MSRB3: variants seen among roughly 807,000 people sequenced by gnomAD.
MSRB3 encodes methionine sulfoxide reductase B3, also known as methionine-R-sulfoxide reductase B3.
A neutral mutation model predicts 21.0 loss-of-function variants in MSRB3; 13 were observed. The observed-to-expected ratio is 0.62, with a 90% confidence interval of 0.40 to 0.98. The LOEUF (loss-of-function observed/expected upper bound fraction) is 0.98, where lower values mean the gene tolerates loss of function less well. Among genes scored for constraint, MSRB3 ranks in the 50% least tolerant of loss-of-function variants. The pLI is 0.00. For synonymous variants in MSRB3, 87 were observed against 88.6 expected (o/e 0.98, Z 0.10); for missense variants, 199 against 230.3 (o/e 0.86, Z 0.88).
chr12:65,426,073 G>A (rs1177282174), intron 5 of MSRB3, among the ~76,000 whole-genome samples: 1 of 152,086 alleles, frequency 6.6e-6, no homozygotes, highest in Non-Finnish European at 1.5e-5. Flanking sequence ...GGCCAAGCTG[G>A]TCTTGAACTC....
chr12:65,428,815 C>A (rs1268871810), intron 5 of MSRB3, among the ~76,000 whole-genome samples: 1 of 152,128 alleles, frequency 6.6e-6, no homozygotes, highest in African/African-American at 2.4e-5. Context: ...TAAACTAATT[C>A]CCCAGAATGC....
intron 4 of MSRB3, among the ~76,000 whole-genome samples, chr12:65,353,324 G>A (rs143139325): frequency 0.042 from 6,365 of 152,092 alleles, 422 homozygotes; most frequent in African/African-American, 0.15. Context: ...TGACAGTGGG[G>A]TGTTAAAGTC....
intron 1 of MSRB3, among the ~76,000 whole-genome samples, chr12:65,281,278 T>C (rs1205626348): frequency 6.6e-6 from 1 of 152,200 alleles, no homozygotes; most frequent in Non-Finnish European, 1.5e-5. Flanking sequence ...ATGGATTTGG[T>C]TGATGAATTT....
At chr12:65,302,478 A>C (rs576911287) in intron 1 of MSRB3, among the ~76,000 whole-genome samples, 178 of 152,246 alleles carry the variant, frequency 1.2e-3, no homozygotes, top group African/African-American at 4.2e-3. Flanking sequence ...AGCACAGACT[A>C]TGTCTTACAT....
At chr12:65,328,403 T>G (rs2136453441) in intron 3 of MSRB3, 123 bp from the exon 4 acceptor site, 1 of 700,310 alleles carries the variant, frequency 1.4e-6, no homozygotes, top group South Asian at 1.7e-5. Context: ...ATATGTTTGG[T>G]TTGTTTTCAT....
chr12:65,306,917 C>T (rs1287069565), intron 1 of MSRB3: 11 of 985,728 alleles, frequency 1.1e-5, no homozygotes, highest in African/African-American at 1.7e-5. Flanking sequence ...GCCAGATGGC[C>T]ACCGTGGTTG....
chr12:65,278,843 G>C lies in MSRB3; in HGVS notation c.-74G>C, dbSNP rs1186522682. The C allele has an allele frequency of 1.9e-6, 3 of 1,564,152 alleles. No homozygotes were observed. The highest frequency in any genetic ancestry group is 3.8e-5 in the Admixed American group (2 of 52,312). The stretch of plus-strand genomic sequence containing the variant: ...TCTGCCTCTGCCTCTGCCTGGCCGC[G>C]GCTCTGGGAAGTGCGCAGTCCGGTA... On this transcript the variant is annotated 5_prime_UTR_variant, in exon 1 of 7. Transcript: ENST00000308259.
intron 4 of MSRB3, among the ~76,000 whole-genome samples, chr12:65,345,618 G>A (rs1191387986): frequency 2.6e-5 from 4 of 151,974 alleles, no homozygotes; most frequent in Non-Finnish European, 4.4e-5. Context: ...TTTAGGGTAC[G>A]TATGCACAAC....
chr12:65,364,418 G>A (rs1000821323), intron 4 of MSRB3, among the ~76,000 whole-genome samples: 2 of 152,150 alleles, frequency 1.3e-5, no homozygotes, highest in Admixed American at 6.5e-5. Context: ...CAAAAGAAAC[G>A]GTTGAATAGT....
intron 4 of MSRB3, among the ~76,000 whole-genome samples, chr12:65,346,298 C>T (rs1876500372): frequency 6.6e-6 from 1 of 152,188 alleles, no homozygotes; most frequent in Non-Finnish European, 1.5e-5. Context: ...GAGATGGTAT[C>T]TCACTGTGGT....
chr12:65,417,600 C>T (rs1485847652), intron 5 of MSRB3, among the ~76,000 whole-genome samples: 1 of 152,156 alleles, frequency 6.6e-6, no homozygotes, highest in East Asian at 1.9e-4. Context: ...GAACTTATTT[C>T]TCCTAACTGA....
intron 6 of MSRB3, among the ~76,000 whole-genome samples, chr12:65,457,724 T>A (rs1883153392): frequency 6.7e-6 from 1 of 150,074 alleles, no homozygotes; most frequent in African/African-American, 2.5e-5. Context: ...ATATCCAGAA[T>A]CTACAAAGAA....
At chr12:65,438,602 A>G (rs1039194294) in intron 5 of MSRB3, among the ~76,000 whole-genome samples, 1 of 151,904 alleles carries the variant, frequency 6.6e-6, no homozygotes, top group Admixed American at 6.6e-5. Flanking sequence ...ATCCTGGAAA[A>G]TAGAAAGACA....
At position 65,433,454 on chromosome 12, in the gene MSRB3, T is replaced by A. The variant is rs190648756; in HGVS notation, c.293-20274T>A. Among the ~76,000 whole-genome samples the A allele has an allele frequency of 4.5e-3, 677 of 152,014 alleles. 4 individuals carry two copies. The highest frequency in any genetic ancestry group is 0.015 in the African/African-American group (630 of 41,524). On this transcript the variant is annotated intron_variant, in intron 5 of 6. Coordinates refer to ENST00000308259, the MANE Select transcript of MSRB3 (RefSeq NM_001031679.3). ...CCATGGTATTCAGTGCAACCACAAT[T>A]TTCTAATGTCAAATTTCAGTAGTTC... is the stretch of plus-strand genomic sequence containing the variant.
chr12:65,353,424 A>G (rs1028140629), intron 4 of MSRB3, among the ~76,000 whole-genome samples: 1 of 152,122 alleles, frequency 6.6e-6, no homozygotes, highest in African/African-American at 2.4e-5. Flanking sequence ...TTGGGTGCAT[A>G]TATATTTAGG....
At chr12:65,403,685 G>A (rs1195051713) in intron 5 of MSRB3, among the ~76,000 whole-genome samples, 1 of 152,172 alleles carries the variant, frequency 6.6e-6, no homozygotes, top group East Asian at 1.9e-4. Context: ...CTTGGTGTCT[G>A]CCCAAATGGC....
chr12:65,343,990 T>C (rs1876319908), intron 4 of MSRB3: 1 of 152,148 alleles, frequency 6.6e-6, no homozygotes, highest in Non-Finnish European at 1.5e-5. Context: ...TTGAATAAGC[T>C]ACTTAACCTC....
intron 5 of MSRB3, among the ~76,000 whole-genome samples, chr12:65,429,477 G>C (rs185736446): frequency 1.3e-5 from 2 of 152,192 alleles, no homozygotes; most frequent in East Asian, 3.9e-4. Flanking sequence ...TGTTTGGAGA[G>C]GTAGGCAGGA....
chr12:65,287,131 C>CTT (rs368441408), intron 1 of MSRB3, among the ~76,000 whole-genome samples: 12 of 124,758 alleles, frequency 9.6e-5, no homozygotes, highest in African/African-American at 1.8e-4. Flanking sequence ...TTTCATTTCT[C>CTT]TTTTTTTTTT....
Sources: allele counts gnomAD v4.1 joint callset (sites outside exome capture counted in the v4.1 genomes callset), GRCh38; gene constraint gnomAD v4.1.1; transcripts MANE v1.5; gene names NCBI Gene and HGNC (gene_info 2026-07-23, HGNC 2026-07-21).